RAB40C: variants seen among roughly 807,000 people sequenced by gnomAD.
RAB40C encodes the protein ras-related protein Rab-40C.
A neutral mutation model predicts 28.1 loss-of-function variants in RAB40C; 8 were observed. The observed-to-expected ratio is 0.28, with a 90% CI of 0.17 to 0.51. The LOEUF (loss-of-function observed/expected upper bound fraction) is 0.51. RAB40C is among the 20% of genes least tolerant of loss of function. The pLI is 0.97. For synonymous variants in RAB40C, 201 were observed against 171.7 expected, an observed-to-expected ratio of 1.17 and a Z score of -1.34; for missense variants, 288 against 405.9, an observed-to-expected ratio of 0.71 and a Z score of 2.50.
At chr16:609,338 TG>T (rs1229913459) in intron 1 of RAB40C, among the ~76,000 whole-genome samples, 3 of 151,698 alleles carry the variant, frequency 2.0e-5, no homozygotes, top group Non-Finnish European at 4.4e-5. Flanking sequence ...CTGGGGATGG[TG>T]GGGGACAGGG....
rs1166107760 is a variant in RAB40C at position 610,435 on chromosome 16, G to C, written c.143-6773G>C. On this transcript the variant is annotated intron_variant, in intron 1 of 5. Coordinates refer to ENST00000248139, the MANE Select transcript of RAB40C (RefSeq NM_021168.5). This position sits in a 1 kb window ranked among gnomAD's most constrained non-coding sequence, Gnocchi z 4.6. ...AGCAGGGGGAAGGGTGGCAGGAGTT[G>C]CTGGTGCTGCGTGAGGCCTCAGTGG... 6.6e-6 allele frequency among the ~76,000 whole-genome samples: 1 copy of C among 152,138 alleles called. No homozygotes were observed. Among genetic ancestry groups the C allele is most frequent in the Non-Finnish European group, 1.5e-5 (1 of 68,004 alleles).
intron 1 of RAB40C, among the ~76,000 whole-genome samples, chr16:599,354 C>T (rs2036200983): frequency 6.6e-6 from 1 of 152,256 alleles, no homozygotes; most frequent in Non-Finnish European, 1.5e-5. Context: ...TGGCTGCCCG[C>T]AGAGTCTTGC....
intron 2 of RAB40C, 144 bp from the exon 3 acceptor site, chr16:618,056 A>G (rs933450263): frequency 1.4e-6 from 1 of 730,608 alleles, no homozygotes; most frequent in Non-Finnish European, 2.3e-6. Context: ...TGTGCAGACA[A>G]AGCCGCTTAG....
At chr16:589,542 G>A (rs1336510207), upstream of RAB40C, 1 of 152,286 alleles carries the variant, frequency 6.6e-6, no homozygotes, top group Non-Finnish European at 1.5e-5. Flanking sequence ...CCTGATTGGC[G>A]AGCGTGTAGG....
At chr16:604,561 CT>C (rs1449154154) in intron 1 of RAB40C, among the ~76,000 whole-genome samples, 1 of 151,150 alleles carries the variant, frequency 6.6e-6, no homozygotes, top group East Asian at 1.9e-4. Flanking sequence ...ATATGTGAGT[CT>C]TTCTGAAGGT....
chr16:621,970 C>T (rs897419295), intron 3 of RAB40C, among the ~76,000 whole-genome samples: 3 of 152,154 alleles, frequency 2.0e-5, no homozygotes, highest in African/African-American at 7.2e-5. Flanking sequence ...TTTTACATGT[C>T]AGTTGCTCCT....
chr16:626,308 C>T (rs1022098836), intron 5 of RAB40C, among the ~76,000 whole-genome samples, 187 bp downstream of exon 5: 5 of 152,178 alleles, frequency 3.3e-5, no homozygotes, highest in African/African-American at 1.2e-4. Flanking sequence ...GAGGCGGCAG[C>T]ACTGGGGGGC....
In RAB40C at chr16:629,064, C is replaced by T. The variant is rs1455716764; in HGVS notation, c.*1442C>T. ...CCCCCAAAGACACTGGCCTCCTGCT[C>T]CAGCTTCCCTGTCCTGGCCCCACCT... is the stretch of plus-strand genomic sequence containing the variant. On this transcript the variant is annotated 3_prime_UTR_variant, in exon 6 of 6. Coordinates refer to ENST00000248139, the MANE Select transcript of RAB40C (RefSeq NM_021168.5). The T allele has an allele frequency of 6.4e-6, 1 of 156,188 alleles. No homozygotes were observed. Among genetic ancestry groups the T allele is most frequent in the East Asian group, 1.9e-4 (1 of 5,316 alleles). 9.7% of individuals were successfully genotyped at this position (156,188 alleles called of 1,614,324 possible). A position where few individuals can be genotyped will look rare whatever the true frequency, so the allele number is the denominator to read the frequency against.
intron 3 of RAB40C, among the ~76,000 whole-genome samples, chr16:621,217 T>C (rs1357857230): frequency 6.6e-6 from 1 of 152,232 alleles, no homozygotes; most frequent in East Asian, 1.9e-4. Flanking sequence ...CCGCCGTGAC[T>C]GAGCATTTGG....
chr16:596,001 A>G (rs1034867880), intron 1 of RAB40C, among the ~76,000 whole-genome samples: 11 of 152,276 alleles, frequency 7.2e-5, no homozygotes, highest in African/African-American at 2.7e-4. Context: ...AAGTTTGTCC[A>G]GAGGCCAGAT....
Position 627,694 on chromosome 16 carries a change from C to T in RAB40C, c.*72C>T, listed in dbSNP as rs2036870947. 2 of 1,461,832 alleles carry T rather than the reference C, an allele frequency of 1.4e-6. No individual in the cohort carries two copies. The highest frequency in any genetic ancestry group is 2.3e-5 in the Admixed American group (1 of 42,904). 90.6% of individuals were successfully genotyped at this position (1,461,832 alleles called of 1,614,324 possible). A position where few individuals can be genotyped will look rare whatever the true frequency, so the allele number is the denominator to read the frequency against. On this transcript the variant is annotated 3_prime_UTR_variant, in exon 6 of 6. Coordinates refer to ENST00000248139, the MANE Select transcript of RAB40C (RefSeq NM_021168.5). Reference sequence around the variant, plus strand: ...TGGACACTCCTGGCTGGACGCCAGGCCAGTGCCGCCTACGTGGAGACTGTC... The same window carrying T: ...TGGACACTCCTGGCTGGACGCCAGGTCAGTGCCGCCTACGTGGAGACTGTC...
At chr16:591,673 C>T (rs2036002270) in intron 1 of RAB40C, among the ~76,000 whole-genome samples, 1 of 151,534 alleles carries the variant, frequency 6.6e-6, no homozygotes, top group Non-Finnish European at 1.5e-5. Flanking sequence ...CTCACTGCAA[C>T]CTCCGCCTCC....
At chr16:613,083 C>T (rs1379079490) in intron 1 of RAB40C, among the ~76,000 whole-genome samples, 1 of 109,286 alleles carries the variant, frequency 9.2e-6, no homozygotes, top group Non-Finnish European at 2.0e-5. Context: ...AAGGGACAGC[C>T]GCCCTGGCCT....
chr16:598,767 A>G (rs2036187401), intron 1 of RAB40C, among the ~76,000 whole-genome samples: 1 of 151,998 alleles, frequency 6.6e-6, no homozygotes, highest in Non-Finnish European at 1.5e-5. Flanking sequence ...AGAAAAGAGG[A>G]TGGAAGAAGA....
chr16:623,307 A>T (rs1277436192), intron 3 of RAB40C, among the ~76,000 whole-genome samples: 3 of 152,198 alleles, frequency 2.0e-5, no homozygotes, highest in African/African-American at 7.2e-5. Context: ...TTATGTCCAT[A>T]TAAACTTCTT....
intron 3 of RAB40C, chr16:624,891 ATTG>A: frequency 1.6e-6 from 2 of 1,264,428 alleles, no homozygotes; most frequent in Non-Finnish European, 2.0e-6. Context: ...GCTCCAAGTA[ATTG>A]GTCTCTAAGG....
At chr16:596,729 G>A (rs772978054) in intron 1 of RAB40C, among the ~76,000 whole-genome samples, 4 of 152,218 alleles carry the variant, frequency 2.6e-5, no homozygotes, top group East Asian at 1.9e-4. Flanking sequence ...GTGGGAAGAA[G>A]GACTGGCTGC....
chr16:611,800 A>G (rs1171126647), intron 1 of RAB40C, among the ~76,000 whole-genome samples: 4 of 53,778 alleles, frequency 7.4e-5, no homozygotes, highest in Non-Finnish European at 1.4e-4. Flanking sequence ...ATCAAGAGCA[A>G]GGGACAGCCG....
In RAB40C at chr16:625,985, G is replaced by C. The variant is rs149195145; in HGVS notation, c.429G>C (p.Ala143=). 3 of 1,613,196 alleles carry C rather than the reference G, an allele frequency of 1.9e-6. No homozygotes were observed. The South Asian group carries it at 3.3e-5, about 18-fold the overall frequency. ...KRQVPTEQAR[A]YAEKNCMTFF... is the part of the protein sequence containing the mutation. ...AGGTCCCGACGGAGCAGGCCCGCGC[G>C]TACGCAGAGAAGAACTGCATGACCT... Residue 143 remains alanine, a synonymous_variant, in exon 5 of 6, where the codon GCG becomes GCC. Coordinates refer to ENST00000248139, the MANE Select transcript of RAB40C (RefSeq NM_021168.5).
Sources: allele counts gnomAD v4.1 joint callset (sites outside exome capture counted in the v4.1 genomes callset), GRCh38; gene constraint gnomAD v4.1.1; non-coding constraint Gnocchi (gnomAD v3.1); transcripts MANE v1.5; gene names NCBI Gene and HGNC (gene_info 2026-07-23, HGNC 2026-07-21).